The following HADH variants were observed in gnomAD, a reference collection of about 807,000 sequenced individuals.
HADH encodes the protein hydroxyacyl-coenzyme A dehydrogenase, mitochondrial.
A neutral mutation model predicts 32.2 loss-of-function variants in HADH; 24 were observed. That is an observed-to-expected ratio of 0.75 (90% CI 0.54 to 1.05). The LOEUF (loss-of-function observed/expected upper bound fraction) is 1.05, where lower values mean the gene tolerates loss of function less well. Among genes scored for constraint, HADH ranks in the 50% least tolerant of loss-of-function variants. The pLI is 0.00. For synonymous variants in HADH, 139 were observed against 152.5 expected (o/e 0.91, Z 0.65); for missense variants, 350 against 397.1 (o/e 0.88, Z 1.01).
chr4:108,027,797 A>G (rs781103715), intron 6 of HADH, 37 bp downstream of exon 6: 7 of 1,196,304 alleles, frequency 5.9e-6, no homozygotes, highest in Non-Finnish European at 8.8e-6. Context: ...AGCAGACCTC[A>G]GCTCCTGGCG....
At chr4:107,999,675 G>A (rs781022910) in intron 1 of HADH, among the ~76,000 whole-genome samples, 60 of 152,300 alleles carry the variant, frequency 3.9e-4, no homozygotes, top group Non-Finnish European at 2.9e-4. Flanking sequence ...TTCATTTCAT[G>A]AGTATGAAAT....
intron 1 of HADH, chr4:108,004,519 A>T (rs1735225287): frequency 1.6e-6 from 1 of 612,984 alleles, no homozygotes; most frequent in Admixed American, 3.3e-5. Flanking sequence ...TCCAAGAGAA[A>T]CTTAGCACTT....
At chr4:108,012,419 C>T (rs1256611209) in intron 2 of HADH, among the ~76,000 whole-genome samples, 4 of 152,194 alleles carry the variant, frequency 2.6e-5, no homozygotes, top group East Asian at 1.9e-4. Flanking sequence ...AGGGTACACT[C>T]GCCAGCATTT....
chr4:107,993,439 T>C (rs1369740255), intron 1 of HADH, among the ~76,000 whole-genome samples: 1 of 152,248 alleles, frequency 6.6e-6, no homozygotes, highest in Non-Finnish European at 1.5e-5. Context: ...ATGTTACTGA[T>C]TTTCATTAGC....
rs576985737 is a variant in HADH, at chr4:108,014,616, T to C, written c.419+28T>C. 1.6e-3 allele frequency: 2,191 copies of C among 1,336,162 alleles called. 6 individuals carry two copies. Among genetic ancestry groups the C allele is most frequent in the Non-Finnish European group, 1.9e-3 (1,867 of 988,026 alleles). The allele number at this position is 1,336,162 out of a possible 1,614,324, so 82.8% of individuals were successfully genotyped here. A position where few individuals can be genotyped will look rare whatever the true frequency, so the allele number is the denominator to read the frequency against. On this transcript the variant is annotated intron_variant, in intron 3 of 7. Transcript: ENST00000309522. Reference sequence around the variant, plus strand: ...ATGTAACCTCTGGACAATCTTCTTTTTTTTTTTTTTTAACCTTATTTTTGT... The same window carrying C: ...ATGTAACCTCTGGACAATCTTCTTTCTTTTTTTTTTTAACCTTATTTTTGT...
At position 107,989,921 on chromosome 4, in the gene HADH, C is replaced by T. The variant is rs774784972; in HGVS notation, c.-12C>T. ...GCCCGGGTCTCCTCGCTGTCGCCGC[C>T]GCTGCCACACCATGGCCTTCGTCAC... On this transcript the variant is annotated 5_prime_UTR_variant, in exon 1 of 8. Transcript: ENST00000309522. 1.9e-6 allele frequency: 3 copies of T among 1,611,324 alleles called. No homozygotes were observed. The highest frequency in any genetic ancestry group is 2.5e-6 in the Non-Finnish European group (3 of 1,179,290).
At chr4:108,011,089 C>T (rs1735477121) in intron 2 of HADH, among the ~76,000 whole-genome samples, 1 of 152,096 alleles carries the variant, frequency 6.6e-6, no homozygotes, top group South Asian at 2.1e-4. Context: ...CCTTGTTATC[C>T]ACCCACCTCG....
rs574640209 is a variant in HADH, at chr4:108,006,728, G to A, written c.133-3031G>A. On this transcript the variant is annotated intron_variant, in intron 1 of 7. Coordinates refer to ENST00000309522, the MANE Select transcript of HADH (RefSeq NM_005327.7). ...AACCCTTGTCCTAGAACCACAAAAG[G>A]GTTAGGGTGTTCTGTGTTGCTTTTG... Among the ~76,000 whole-genome samples, 3 of 152,308 alleles carry A rather than the reference G, an allele frequency of 2.0e-5. No individual in the cohort carries two copies. In the East Asian group the frequency reaches 5.8e-4, roughly 29 times the overall value.
At chr4:108,003,448 G>A (rs1248809043) in intron 1 of HADH, among the ~76,000 whole-genome samples, 1 of 152,106 alleles carries the variant, frequency 6.6e-6, no homozygotes, top group Non-Finnish European at 1.5e-5. Context: ...TTTTGAAGAG[G>A]ACACATTCAA....
intron 2 of HADH, among the ~76,000 whole-genome samples, chr4:108,011,046 A>T (rs1451452690): frequency 2.0e-5 from 3 of 152,042 alleles, no homozygotes; most frequent in Admixed American, 1.3e-4. Flanking sequence ...ATGGGGTTTC[A>T]CCATGTTGGC....
intron 7 of HADH, among the ~76,000 whole-genome samples, chr4:108,033,880 C>G (rs957738765): frequency 3.9e-5 from 6 of 152,234 alleles, no homozygotes; most frequent in Non-Finnish European, 8.8e-5. Context: ...GATTTTTTAA[C>G]GTGTATTCTG....
chr4:108,029,760 G>T (rs1736196010), intron 6 of HADH: 3 of 152,416 alleles, frequency 2.0e-5, no homozygotes, highest in Admixed American at 2.0e-4. Flanking sequence ...GGAGGCTCAC[G>T]CCCTTTTGCT....
intron 3 of HADH, among the ~76,000 whole-genome samples, chr4:108,017,041 A>G (rs1578256688): frequency 6.6e-6 from 1 of 152,178 alleles, no homozygotes; most frequent in Non-Finnish European, 1.5e-5. Context: ...TTTGCTGCTG[A>G]CCTTCTCCAC....
At chr4:108,021,203 A>G (rs1360274981) in intron 4 of HADH, among the ~76,000 whole-genome samples, 1 of 152,240 alleles carries the variant, frequency 6.6e-6, no homozygotes, top group African/African-American at 2.4e-5. Flanking sequence ...CTTAGGGACT[A>G]GTTGATTTCT....
At chr4:108,004,637 A>C in intron 1 of HADH, 1 of 1,508,402 alleles carries the variant, frequency 6.6e-7, no homozygotes, top group Non-Finnish European at 8.9e-7. Context: ...TGGAAGCCAT[A>C]ACCATGAACT....
At chr4:108,003,596 C>A (rs1308976467) in intron 1 of HADH, among the ~76,000 whole-genome samples, 1 of 152,118 alleles carries the variant, frequency 6.6e-6, no homozygotes, top group African/African-American at 2.4e-5. Context: ...TCCTTTTCTT[C>A]CTCCCTTTTT....
At chr4:108,014,763 CT>C (rs1488455387) in intron 3 of HADH, among the ~76,000 whole-genome samples, 175 bp downstream of exon 3, 2 of 152,132 alleles carry the variant, frequency 1.3e-5, no homozygotes, top group Non-Finnish European at 2.9e-5. Context: ...ATAGTGAACA[CT>C]GTACCCAATA....
chr4:108,029,381 C>T (rs1220796052), intron 6 of HADH: 1 of 153,500 alleles, frequency 6.5e-6, no homozygotes, highest in African/African-American at 2.4e-5. Context: ...GTCAGGCTGC[C>T]TTCATGAGGT....
Position 108,034,357 on chromosome 4 carries a change from A to T in HADH, c.945A>T (p.Ter315CysextTer43). 6.5e-7 allele frequency: 1 copy of T among 1,543,886 alleles called. No individual in the cohort carries two copies. The highest frequency in any genetic ancestry group is 9.0e-7 in the Non-Finnish European group (1 of 1,115,750). The part of the protein sequence containing the change: ...KTGEGFYKYK[*>C] ...GAGAAGGATTTTACAAATACAAGTG[A>T]TGTGCAGCTTCTCCGGCTCTGAGAA... Residue 315 changes from the stop codon to cysteine, a stop_lost, in exon 8 of 8, where the codon TGA (stop) becomes TGT (cysteine). Coordinates refer to ENST00000309522, the MANE Select transcript of HADH (RefSeq NM_005327.7).
Sources: gnomAD v4.1 joint callset for allele counts (sites outside exome capture counted in the v4.1 genomes callset) on GRCh38, gnomAD v4.1.1 for gene constraint, MANE v1.5 for transcripts, NCBI Gene and HGNC (gene_info 2026-07-23, HGNC 2026-07-21) for gene names.